The following TAFA5 variants were observed in gnomAD, a reference collection of about 807,000 sequenced individuals.
The protein encoded by TAFA5 is TAFA chemokine like family member 5, also known as chemokine-like protein TAFA-5.
In TAFA5, 6 loss-of-function variants were observed where a neutral mutation model predicts 15.3. The observed-to-expected ratio is 0.39, with a 90% CI of 0.21 to 0.77. TAFA5 has a LOEUF of 0.77. Ranked by LOEUF, TAFA5 falls within the 30% of genes least tolerant of loss-of-function variation. TAFA5 has a pLI of 0.41. For synonymous variants in TAFA5, 103 were observed against 80.7 expected (o/e 1.28, Z -1.48); for missense variants, 161 against 193.1 (o/e 0.83, Z 0.98).
At chr22:48,608,469 A>C (rs1166370161) in intron 1 of TAFA5, among the ~76,000 whole-genome samples, 1 of 151,642 alleles carries the variant, frequency 6.6e-6, no homozygotes, top group African/African-American at 2.4e-5. Flanking sequence ...AAGTTGACTC[A>C]TCCGTCCTCC....
chr22:48,678,176 C>T (rs1458220543), intron 2 of TAFA5, among the ~76,000 whole-genome samples: 2 of 152,224 alleles, frequency 1.3e-5, no homozygotes, highest in Admixed American at 1.3e-4. Flanking sequence ...CTCTGGGCCC[C>T]ATGTTCCCTC....
chr22:48,507,049 A>T (rs1921015784), intron 1 of TAFA5, among the ~76,000 whole-genome samples: 1 of 152,168 alleles, frequency 6.6e-6, no homozygotes. Flanking sequence ...GCCAAGAGCC[A>T]GGTGTGCAGT....
chr22:48,736,600 G>T (rs1401491702), intron 3 of TAFA5, among the ~76,000 whole-genome samples: 1 of 152,218 alleles, frequency 6.6e-6, no homozygotes, highest in Non-Finnish European at 1.5e-5. Flanking sequence ...GTCCGTCAGC[G>T]GTCCCACGGA....
At chr22:48,559,322 C>T in intron 1 of TAFA5, among the ~76,000 whole-genome samples, 1 of 152,204 alleles carries the variant, frequency 6.6e-6, no homozygotes, top group African/African-American at 2.4e-5. Context: ...ATGGCTCTGA[C>T]TCTGAGCCCT....
chr22:48,634,065 G>A (rs1390237716), intron 1 of TAFA5, among the ~76,000 whole-genome samples: 3 of 152,186 alleles, frequency 2.0e-5, no homozygotes, highest in Non-Finnish European at 2.9e-5. Context: ...CTCAGCAGGC[G>A]AGAAGTCATG....
chr22:48,704,977 G>A (rs76700724), intron 2 of TAFA5, among the ~76,000 whole-genome samples: 1 of 149,368 alleles, frequency 6.7e-6, no homozygotes, highest in Non-Finnish European at 1.5e-5. Flanking sequence ...AGGGGAGAGA[G>A]AGAGAGACAG....
intron 1 of TAFA5, among the ~76,000 whole-genome samples, chr22:48,638,259 A>T (rs1214420019): frequency 6.6e-6 from 1 of 151,132 alleles, no homozygotes; most frequent in African/African-American, 2.4e-5. Flanking sequence ...GCCCTGGGTC[A>T]CCACACACAG....
chr22:48,561,697 T>TCATGGGC (rs1450959080), intron 1 of TAFA5, among the ~76,000 whole-genome samples: 1 of 152,004 alleles, frequency 6.6e-6, no homozygotes, highest in East Asian at 1.9e-4. Flanking sequence ...CCATTGGGGG[T>TCATGGGC]CATGGGCCAC....
At chr22:48,506,325 C>G (rs555074142) in intron 1 of TAFA5, among the ~76,000 whole-genome samples, 79 of 152,328 alleles carry the variant, frequency 5.2e-4, no homozygotes, top group African/African-American at 1.8e-3. Flanking sequence ...GGTCCAGAAC[C>G]CTTCCTGCAG....
intron 2 of TAFA5, among the ~76,000 whole-genome samples, chr22:48,649,730 C>T (rs1236800306): frequency 2.0e-5 from 3 of 152,022 alleles, no homozygotes; most frequent in African/African-American, 7.2e-5. Context: ...ACATGGTGGC[C>T]GGGGCGCCTT....
intron 1 of TAFA5, among the ~76,000 whole-genome samples, chr22:48,613,353 C>G (rs547580760): frequency 6.6e-6 from 1 of 152,312 alleles, no homozygotes; most frequent in South Asian, 2.1e-4. Context: ...ATGTCCGTCT[C>G]TGTTAATGTG....
intron 1 of TAFA5, among the ~76,000 whole-genome samples, chr22:48,576,124 G>A (rs1345087434): frequency 1.4e-5 from 2 of 143,370 alleles, no homozygotes; most frequent in African/African-American, 5.0e-5. Flanking sequence ...TCCGGGGGCG[G>A]CGGCGGGGCT....
intron 1 of TAFA5, among the ~76,000 whole-genome samples, chr22:48,610,384 G>T (rs1174093585): frequency 2.0e-5 from 3 of 152,258 alleles, no homozygotes; most frequent in African/African-American, 7.2e-5. Flanking sequence ...AAGTCACGAG[G>T]TCCTCGCCTT....
intron 1 of TAFA5, among the ~76,000 whole-genome samples, chr22:48,568,320 C>A (rs934805918): frequency 6.6e-6 from 1 of 152,244 alleles, no homozygotes; most frequent in Non-Finnish European, 1.5e-5. Context: ...GCTCTGCTCA[C>A]GTCTCGTCTG....
At chr22:48,737,203 T>C (rs759367265) in intron 3 of TAFA5, among the ~76,000 whole-genome samples, 43 of 152,258 alleles carry the variant, frequency 2.8e-4, no homozygotes, top group Non-Finnish European at 4.6e-4. Flanking sequence ...GAGAGGCCTG[T>C]CCCACCCCAA....
chr22:48,607,226 G>A (rs946155089), intron 1 of TAFA5, among the ~76,000 whole-genome samples: 1 of 151,072 alleles, frequency 6.6e-6, no homozygotes, highest in African/African-American at 2.4e-5. Context: ...GCCTGGAGCA[G>A]GTCTGTCCCG....
At chr22:48,617,272 G>A (rs1213016695) in intron 1 of TAFA5, among the ~76,000 whole-genome samples, 10 of 152,120 alleles carry the variant, frequency 6.6e-5, no homozygotes, top group Admixed American at 5.9e-4. Context: ...AAGCAGAGAG[G>A]GGGTGATGTG....
intron 1 of TAFA5, among the ~76,000 whole-genome samples, chr22:48,596,763 G>A (rs1009162448): frequency 6.6e-6 from 1 of 151,906 alleles, no homozygotes; most frequent in Non-Finnish European, 1.5e-5. Flanking sequence ...ACAGAGGGGC[G>A]CCACTGCCCT....
At position 48,727,523 on chromosome 22, in the gene TAFA5, G is replaced by A. The variant is rs1929748837; in HGVS notation, c.390+19679G>A. On this transcript the variant is annotated intron_variant, in intron 3 of 3. Transcript: ENST00000402357. ...TAAAAAGCAAGTGACACTTGTGCATGTATGTAAAGACAAGACCAATCATGA... is the reference window on the plus strand; with the variant it reads ...TAAAAAGCAAGTGACACTTGTGCATATATGTAAAGACAAGACCAATCATGA... 1.3e-5 allele frequency among the ~76,000 whole-genome samples: 2 copies of A among 152,164 alleles called. 1 individual carries two copies. The highest frequency in any genetic ancestry group is 4.1e-4 in the South Asian group (2 of 4,820).
Sources: gnomAD v4.1 joint callset for allele counts (sites outside exome capture counted in the v4.1 genomes callset) on GRCh38, gnomAD v4.1.1 for gene constraint, MANE v1.5 for transcripts, NCBI Gene and HGNC (gene_info 2026-07-23, HGNC 2026-07-21) for gene names.